Variants in PIPOX observed in about 807,000 individuals in gnomAD.
PIPOX encodes pipecolic acid and sarcosine oxidase.
A neutral mutation model predicts 47.9 loss-of-function variants in PIPOX; 45 were observed. The ratio of observed to expected loss-of-function variants is 0.94; its 90% CI spans 0.74 to 1.20. The LOEUF (loss-of-function observed/expected upper bound fraction) is 1.20. Among genes scored for constraint, PIPOX ranks in the 50% most tolerant of loss-of-function variants. The pLI, the probability that PIPOX is intolerant of heterozygous loss-of-function variation, is 0.00. For synonymous variants in PIPOX, 165 were observed against 191.3 expected, an observed-to-expected ratio of 0.86 and a Z score of 1.13; for missense variants, 458 against 498.4, an observed-to-expected ratio of 0.92 and a Z score of 0.77.
chr17:29,053,365 G>T, intron 3 of PIPOX, 48 bp from the exon 4 acceptor site: 2 of 1,565,062 alleles, frequency 1.3e-6, no homozygotes, highest in South Asian at 2.3e-5. Context: ...CCACCAGGGT[G>T]AACCACATAC....
At chr17:29,045,800 G>A (rs1012581784) in intron 2 of PIPOX, among the ~76,000 whole-genome samples, 1 of 152,112 alleles carries the variant, frequency 6.6e-6, no homozygotes, top group Non-Finnish European at 1.5e-5. Flanking sequence ...TGTTCTCTCT[G>A]AGTACCTTTT....
At chr17:29,054,812 T>C (rs752387687) in intron 5 of PIPOX, 121 bp downstream of exon 5, 8 of 1,210,876 alleles carry the variant, frequency 6.6e-6, no homozygotes, top group Non-Finnish European at 9.2e-6. Flanking sequence ...CCTGCTTCAC[T>C]CATGGCGATT....
Position 29,053,557 on chromosome 17 carries a change from C to T in PIPOX, c.622C>T (p.Gln208Ter). 6.2e-7 allele frequency: 1 copy of T among 1,609,472 alleles called. No individual in the cohort carries two copies. ...LVITAGPWTN[Q>*]LLRPLGIEMP... Reference sequence around the variant, plus strand: ...CATCACAGCAGGTCCTTGGACCAACCAGCTCCTCCGTCCCCTGGGCATTGA... The same window carrying T: ...CATCACAGCAGGTCCTTGGACCAACTAGCTCCTCCGTCCCCTGGGCATTGA... The change falls in exon 4 of 8, where the codon CAG becomes TAG. Residue 208 changes from glutamine to a stop codon, truncating the protein, a stop_gained. Coordinates refer to ENST00000323372, the MANE Select transcript of PIPOX (RefSeq NM_016518.3). LOFTEE classifies it high-confidence loss of function.
chr17:29,053,772 G>T, intron 4 of PIPOX, 177 bp downstream of exon 4: 1 of 488,706 alleles, frequency 2.0e-6, no homozygotes, highest in East Asian at 2.9e-5. Context: ...TACCTCATAG[G>T]GCTGTTGGAG....
intron 3 of PIPOX, 131 bp downstream of exon 3, chr17:29,053,264 C>A (rs948403071): frequency 1.2e-5 from 14 of 1,201,824 alleles, no homozygotes; most frequent in Admixed American, 6.4e-5. Context: ...ACTTTTCCAG[C>A]AGGGCAGTGA....
In PIPOX at chr17:29,044,757, T is replaced by C. The variant is rs573570270; in HGVS notation, c.115-102T>C. The C allele has an allele frequency of 4.1e-6, 5 of 1,216,760 alleles. No individual in the cohort carries two copies. In the Admixed American group the frequency reaches 1.3e-4, roughly 31 times the overall value. 75.4% of individuals were successfully genotyped at this position (1,216,760 alleles called of 1,614,324 possible). Reference sequence around the variant, plus strand: ...AGATTGTGTGGAAATATTTGAAGGATAAATGGCTCCTGGTTGACAGCACAT... The same window carrying C: ...AGATTGTGTGGAAATATTTGAAGGACAAATGGCTCCTGGTTGACAGCACAT... On this transcript the variant is annotated intron_variant, in intron 1 of 7. Transcript: ENST00000323372.
chr17:29,050,669 T>C (rs561876335), intron 2 of PIPOX, among the ~76,000 whole-genome samples: 5 of 151,924 alleles, frequency 3.3e-5, no homozygotes, highest in Admixed American at 2.6e-4. Flanking sequence ...GAGACCCCTA[T>C]TTCTATACAC....
chr17:29,047,961 C>G (rs763953759), intron 2 of PIPOX, among the ~76,000 whole-genome samples: 1 of 150,542 alleles, frequency 6.6e-6, no homozygotes, highest in Non-Finnish European at 1.5e-5. Context: ...GCCCCAGTTA[C>G]GAAAAATGAA....
chr17:29,044,781 A>G, intron 1 of PIPOX, 78 bp from the exon 2 acceptor site: 1 of 1,426,564 alleles, frequency 7.0e-7, no homozygotes, highest in Non-Finnish European at 9.5e-7. Context: ...TTGACAGCAC[A>G]TGCTGATATG....
At chr17:29,046,844 T>C in intron 2 of PIPOX, 1 of 774,430 alleles carries the variant, frequency 1.3e-6, no homozygotes, top group South Asian at 5.9e-5. Context: ...CTGTTGAACC[T>C]CTGGTGAGAC....
intron 2 of PIPOX, among the ~76,000 whole-genome samples, chr17:29,049,418 C>T (rs1052732392): frequency 4.6e-5 from 7 of 152,104 alleles, no homozygotes; most frequent in African/African-American, 1.7e-4. Flanking sequence ...AGGGAGGCCA[C>T]GAACACAGGG....
chr17:29,049,597 T>A (rs941186070), intron 2 of PIPOX, among the ~76,000 whole-genome samples: 1 of 152,198 alleles, frequency 6.6e-6, no homozygotes, highest in African/African-American at 2.4e-5. Flanking sequence ...GGTTTCCAAT[T>A]CTCTAAGCAT....
intron 1 of PIPOX, among the ~76,000 whole-genome samples, chr17:29,044,067 T>C (rs2065776278): frequency 6.6e-6 from 1 of 152,224 alleles, no homozygotes; most frequent in African/African-American, 2.4e-5. Flanking sequence ...TTCTTGGTAA[T>C]GAGCCAGAGT....
At chr17:29,051,877 G>GT in intron 2 of PIPOX, 5 of 464,582 alleles carry the variant, frequency 1.1e-5, no homozygotes, top group South Asian at 7.8e-5. Flanking sequence ...ACCAGGCATT[G>GT]TGCCAACTAC....
chr17:29,053,374 A>C lies in PIPOX; in HGVS notation c.478-39A>C, dbSNP rs745356618. On this transcript the variant is annotated intron_variant, in intron 3 of 7. Transcript: ENST00000323372. ...TTCTGTCCACCAGGGTGAACCACAT[A>C]CAGAACTAATTCACCTTTCCCTGCT... The C allele has an allele frequency of 9.5e-6, 15 of 1,579,922 alleles. No individual in the cohort carries two copies. In the South Asian group the frequency reaches 1.7e-4, roughly 18 times the overall value.
At chr17:29,045,960 TG>T (rs755115686) in intron 2 of PIPOX, among the ~76,000 whole-genome samples, 1 of 152,142 alleles carries the variant, frequency 6.6e-6, no homozygotes, top group Non-Finnish European at 1.5e-5. Flanking sequence ...TGTGATGCAA[TG>T]GGAACTTTAA....
chr17:29,048,241 C>T (rs1009816515), intron 2 of PIPOX, among the ~76,000 whole-genome samples: 2 of 152,168 alleles, frequency 1.3e-5, no homozygotes, highest in Admixed American at 6.5e-5. Context: ...GATTCATCAT[C>T]TGTGTGGTTC....
At chr17:29,053,359 CA>C in intron 3 of PIPOX, 53 bp from the exon 4 acceptor site, 1 of 1,545,818 alleles carries the variant, frequency 6.5e-7, no homozygotes, top group Non-Finnish European at 8.8e-7. Flanking sequence ...TTCTGTCCAC[CA>C]GGGTGAACCA....
chr17:29,049,919 AATG>A (rs1459467830), intron 2 of PIPOX, among the ~76,000 whole-genome samples: 1 of 152,198 alleles, frequency 6.6e-6, no homozygotes, highest in Non-Finnish European at 1.5e-5. Context: ...GCTGGAGCAA[AATG>A]ATTACAATCG....
Sources: gnomAD v4.1 joint callset for allele counts (sites outside exome capture counted in the v4.1 genomes callset) on GRCh38, gnomAD v4.1.1 for gene constraint, MANE v1.5 for transcripts, NCBI Gene and HGNC (gene_info 2026-07-23, HGNC 2026-07-21) for gene names.